The following CER1 variants were observed in gnomAD, a reference collection of about 807,000 sequenced individuals.
The protein encoded by CER1 is cerberus.
A neutral mutation model predicts 11.8 loss-of-function variants in CER1; 10 were observed. The ratio of observed to expected loss-of-function variants is 0.85; its 90% CI spans 0.52 to 1.44. CER1 has a LOEUF of 1.44. Ranked by LOEUF, CER1 falls within the 40% of genes most tolerant of loss-of-function variation. The pLI is 0.00. For missense variants in CER1, 431 were observed against 327.0 expected, an observed-to-expected ratio of 1.32 and a Z score of -2.45; for synonymous variants, 141 against 122.3, an observed-to-expected ratio of 1.15 and a Z score of -1.01.
At chr9:14,719,646 CCTCT>C (rs1483680673), downstream of CER1, 2 of 150,636 alleles carry the variant, frequency 1.3e-5, no homozygotes, top group African/African-American at 4.9e-5. Context: ...TTCCTTCCTC[CCTCT>C]CTATCTTGCT....
Position 14,720,129 on chromosome 9 carries a change from A to T in CER1, c.765T>A (p.Ala255=), listed in dbSNP as rs772469017. The T allele has an allele frequency of 2.9e-5, 47 of 1,613,978 alleles. No homozygotes were observed. Among genetic ancestry groups the T allele is most frequent in the Non-Finnish European group, 3.8e-5 (45 of 1,180,006 alleles). Residue 255 remains alanine (A), a synonymous_variant, in exon 2 of 2, where the codon GCT becomes GCA. Transcript: ENST00000380911. Reference sequence around the variant, plus strand: ...CTGGGATAAAGGAATCCTGGGAGCCAGCATGTAGGATGTGTCCATCTTCAT... The same window carrying T: ...CTGGGATAAAGGAATCCTGGGAGCCTGCATGTAGGATGTGTCCATCTTCAT... ...TEHEDGHILH[A]GSQDSFIPGV...
At position 14,720,244 on chromosome 9, in the gene CER1, A is replaced by G. The variant is rs142706502; in HGVS notation, c.650T>C (p.Met217Thr). 59 of 1,614,024 alleles carry G rather than the reference A, an allele frequency of 3.7e-5. No individual in the cohort carries two copies. The African/African-American group carries it at 7.6e-4, about 21-fold the overall frequency. The change falls in exon 2 of 2, where the codon ATG (methionine) becomes ACG (threonine). Residue 217 changes from methionine (M) to threonine (T), a missense_variant. Transcript: ENST00000380911. ...SHCLPAKFTT[M>T]HLPLNCTELS... Reference sequence around the variant, plus strand: ...TTCAGTGCAGTTCAGTGGCAAGTGCATCGTGGTGAACTTGGCAGGCAAACA... The same window carrying G: ...TTCAGTGCAGTTCAGTGGCAAGTGCGTCGTGGTGAACTTGGCAGGCAAACA...
At position 14,722,471 on chromosome 9, in the gene CER1, G is replaced by C. The variant is rs1325185842; in HGVS notation, c.202C>G (p.Pro68Ala). 1 of 1,614,056 alleles carries C rather than the reference G, an allele frequency of 6.2e-7. No homozygotes were observed. The highest frequency in any genetic ancestry group is 2.2e-5 in the East Asian group (1 of 44,888). Residue 68 changes from proline to alanine, a missense_variant, in exon 1 of 2, where the codon CCT becomes GCT. Transcript: ENST00000380911. ...CTCTGCCTCTGGCCTTCCCCTGCAGGGCTGGTGGCTACAAGGTGTGGCACT... is the reference window on the plus strand; with the variant it reads ...CTCTGCCTCTGGCCTTCCCCTGCAGCGCTGGTGGCTACAAGGTGTGGCACT... Reference protein sequence around the residue: ...VAVPHLVATSPAGEGQRQREK... With the variant: ...VAVPHLVATSAAGEGQRQREK...
intron 1 of CER1, among the ~76,000 whole-genome samples, chr9:14,720,722 A>G (rs1351047771): frequency 6.6e-6 from 1 of 152,192 alleles, no homozygotes; most frequent in African/African-American, 2.4e-5. Flanking sequence ...TATCTTACAT[A>G]AGTAATGTGC....
chr9:14,719,671 C>G (rs1309850731), downstream of CER1: 1 of 152,064 alleles, frequency 6.6e-6, no homozygotes, highest in Non-Finnish European at 1.5e-5. Flanking sequence ...TCTTTGCTTG[C>G]TGGTGATTTG....
At position 14,722,639 on chromosome 9, in the gene CER1, G is replaced by A. The variant is rs1840032067; in HGVS notation, c.34C>T (p.Leu12=). 1.2e-6 allele frequency: 2 copies of A among 1,603,760 alleles called. No individual in the cohort carries two copies. Residue 12 remains leucine (L), a synonymous_variant, in exon 1 of 2, where the codon CTG becomes TTG. Coordinates refer to ENST00000380911, the MANE Select transcript of CER1 (RefSeq NM_005454.3). ...HLLLFQLLVL[L]PLGKTTRHQD... ...TGCCGTGTGGTCTTTCCTAGAGGCA[G>A]GAGTACCAGCAGCTGAAATAAGAGG...
chr9:14,722,345 G>C lies in CER1; in HGVS notation c.328C>G (p.Gln110Glu), dbSNP rs1840025763. Residue 110 changes from glutamine (Q) to glutamate (E), a missense_variant, in exon 1 of 2, where the codon CAG becomes GAG. Physicochemically the swap from Gln to Glu is conservative, Grantham distance 29. Coordinates refer to ENST00000380911, the MANE Select transcript of CER1 (RefSeq NM_005454.3). The stretch of plus-strand genomic sequence containing the variant: ...CCATCTATCGGCTGGATGAGGGACT[G>C]GGTCCCAGGTGGGAAGGGCTCACTA... ...SDSEPFPPGT[Q>E]SLIQPIDGMK... 28 of 1,614,216 alleles carry C rather than the reference G, an allele frequency of 1.7e-5. No individual in the cohort carries two copies. Among genetic ancestry groups the C allele is most frequent in the Non-Finnish European group, 2.3e-5 (27 of 1,180,040 alleles).
chr9:14,717,601 A>G (rs758136719), downstream of CER1, among the ~76,000 whole-genome samples: 11 of 152,184 alleles, frequency 7.2e-5, no homozygotes, highest in Admixed American at 7.2e-4. Context: ...GAGGTGTGCC[A>G]TGAGGACCAA....
chr9:14,720,274 G>A lies in CER1; in HGVS notation c.620C>T (p.Ser207Phe), dbSNP rs1230938595. ...GAAQHSHTSC[S>F]HCLPAKFTTM... The stretch of plus-strand genomic sequence containing the variant: ...GGTGAACTTGGCAGGCAAACAGTGA[G>A]AGCAGGAGGTATGGGAGTGCTGCGC... The change falls in exon 2 of 2, where the codon TCT becomes TTT. Residue 207 changes from serine (S) to phenylalanine (F), a missense_variant. Physicochemically the swap from Ser to Phe is radical, Grantham distance 155. Transcript: ENST00000380911. The A allele has an allele frequency of 2.5e-6, 4 of 1,614,172 alleles. No homozygotes were observed. In the South Asian group the frequency reaches 3.3e-5, roughly 13 times the overall value.
chr9:14,718,278 A>G (rs1325034114), downstream of CER1, among the ~76,000 whole-genome samples: 1 of 152,206 alleles, frequency 6.6e-6, no homozygotes, highest in Non-Finnish European at 1.5e-5. Context: ...GGACAGTCCA[A>G]TTGGCAGAGA....
chr9:14,720,180 C>T lies in CER1; in HGVS notation c.714G>A (p.Glu238=). The change falls in exon 2 of 2, where the codon GAG becomes GAA. Residue 238 remains glutamate (E), a synonymous_variant. Coordinates refer to ENST00000380911, the MANE Select transcript of CER1 (RefSeq NM_005454.3). ...SVIKVVMLVE[E]CQCKVKTEHE... ...GCTCCGTCTTCACCTTGCACTGGCA[C>T]TCCTCCACCAGCATCACCACCTTGA... The T allele has an allele frequency of 6.2e-7, 1 of 1,614,184 alleles. No individual in the cohort carries two copies. The highest frequency in any genetic ancestry group is 8.5e-7 in the Non-Finnish European group (1 of 1,180,030).
chr9:14,722,666 G>C lies in CER1; in HGVS notation c.7C>G (p.Leu3Val), dbSNP rs749167200. MH[L>V]LLFQLLVLLP... ...AGTACCAGCAGCTGAAATAAGAGGA[G>C]ATGCATGCTGTCAGGGGCCCAAGCT... The change falls in exon 1 of 2, where the codon CTC (leucine) becomes GTC (valine). Residue 3 changes from leucine to valine, a missense_variant. Coordinates refer to ENST00000380911, the MANE Select transcript of CER1 (RefSeq NM_005454.3). 5.4e-5 allele frequency: 86 copies of C among 1,597,606 alleles called. No individual in the cohort carries two copies. Among genetic ancestry groups the C allele is most frequent in the Non-Finnish European group, 7.0e-5 (82 of 1,178,718 alleles).
At position 14,722,495 on chromosome 9, in the gene CER1, C is replaced by A. The variant is rs777557427; in HGVS notation, c.178G>T (p.Val60Leu). The A allele has an allele frequency of 1.3e-5, 21 of 1,614,082 alleles. No homozygotes were observed. Among genetic ancestry groups the A allele is most frequent in the Non-Finnish European group, 1.8e-5 (21 of 1,180,042 alleles). Residue 60 changes from valine (V) to leucine (L), a missense_variant, in exon 1 of 2, where the codon GTG becomes TTG. Physicochemically the swap from Val to Leu is conservative, Grantham distance 32. Coordinates refer to ENST00000380911, the MANE Select transcript of CER1 (RefSeq NM_005454.3). ...GGGCTGGTGGCTACAAGGTGTGGCA[C>A]TGCGACAAACAGATCTGGCTTCTCC... is the stretch of plus-strand genomic sequence containing the variant. ...AEEKPDLFVA[V>L]PHLVATSPAG...
At chr9:14,719,569 T>C (rs372508614), downstream of CER1, among the ~76,000 whole-genome samples, 1 of 76,450 alleles carries the variant, frequency 1.3e-5, no homozygotes, top group African/African-American at 7.0e-5. Context: ...CTGCCTTCCT[T>C]CCTTCCTTCC....
intron 1 of CER1, 67 bp downstream of exon 1, chr9:14,722,099 C>A: frequency 6.6e-7 from 1 of 1,524,668 alleles, no homozygotes; most frequent in Non-Finnish European, 8.8e-7. Flanking sequence ...TTCCCCTACT[C>A]TCCATCCATC....
At chr9:14,718,061 T>C (rs1293671747), downstream of CER1, among the ~76,000 whole-genome samples, 1 of 152,232 alleles carries the variant, frequency 6.6e-6, no homozygotes, top group Non-Finnish European at 1.5e-5. Flanking sequence ...GTAAAAATGA[T>C]TGAATATGAG....
chr9:14,721,795 G>A (rs956885961), intron 1 of CER1, among the ~76,000 whole-genome samples: 1 of 152,126 alleles, frequency 6.6e-6, no homozygotes, highest in African/African-American at 2.4e-5. Context: ...CTACAGAGGA[G>A]TTCTGGTGAT....
In CER1 at chr9:14,722,148, T is replaced by C; in HGVS notation, c.507+18A>G. ...ACCACCTGCAAACTCTTACCTGCTCTCCCCCCAGAACACATACCTGGCTGA... is the reference window on the plus strand; with the variant it reads ...ACCACCTGCAAACTCTTACCTGCTCCCCCCCCAGAACACATACCTGGCTGA... On this transcript the variant is annotated intron_variant, in intron 1 of 1. Coordinates refer to ENST00000380911, the MANE Select transcript of CER1 (RefSeq NM_005454.3). 1 of 1,601,350 alleles carries C rather than the reference T, an allele frequency of 6.2e-7. No individual in the cohort carries two copies. The highest frequency in any genetic ancestry group is 8.5e-7 in the Non-Finnish European group (1 of 1,173,304).
chr9:14,718,612 T>G (rs959039639), downstream of CER1, among the ~76,000 whole-genome samples: 2 of 152,092 alleles, frequency 1.3e-5, no homozygotes, highest in African/African-American at 4.8e-5. Flanking sequence ...ATAAATTGAT[T>G]TATTTAAAAA....
Sources: gnomAD v4.1 joint callset for allele counts (sites outside exome capture counted in the v4.1 genomes callset) on GRCh38, gnomAD v4.1.1 for gene constraint, MANE v1.5 for transcripts, NCBI Gene and HGNC (gene_info 2026-07-23, HGNC 2026-07-21) for gene names.